The following PBX1 variants were observed in gnomAD, a reference collection of about 807,000 sequenced individuals.
PBX1 encodes PBX homeobox 1, also known as pre-B-cell leukemia transcription factor 1.
Under a neutral mutation model 53.4 loss-of-function variants are expected in PBX1, and 6 were observed. That is an observed-to-expected ratio of 0.11 (90% CI 0.06 to 0.22). The LOEUF (loss-of-function observed/expected upper bound fraction) is 0.22. Among genes scored for constraint, PBX1 ranks in the 10% least tolerant of loss-of-function variants. The pLI, the probability that PBX1 is intolerant of heterozygous loss-of-function variation, is 1.00. For synonymous variants in PBX1, 204 were observed against 212.3 expected (o/e 0.96, Z 0.34); for missense variants, 251 against 551.4 (o/e 0.46, Z 5.46).
At chr1:164,649,470 A>G (rs1020045845) in intron 2 of PBX1, among the ~76,000 whole-genome samples, 2 of 151,776 alleles carry the variant, frequency 1.3e-5, no homozygotes, top group African/African-American at 4.8e-5. Flanking sequence ...CATCCTCCCA[A>G]CCCCTTGAAA....
At chr1:164,686,188 G>T (rs1662081688) in intron 2 of PBX1, among the ~76,000 whole-genome samples, 1 of 152,212 alleles carries the variant, frequency 6.6e-6, no homozygotes. Context: ...CTCACTAAAT[G>T]ATGTTCCTTA....
intron 2 of PBX1, among the ~76,000 whole-genome samples, chr1:164,863,421 G>C (rs984626426): frequency 6.6e-6 from 1 of 152,166 alleles, no homozygotes; most frequent in Non-Finnish European, 1.5e-5. Context: ...GCATTGTTCT[G>C]AGTGCCAGGG....
chr1:164,666,785 T>C (rs973332277), intron 2 of PBX1, among the ~76,000 whole-genome samples: 3 of 152,184 alleles, frequency 2.0e-5, no homozygotes, highest in African/African-American at 7.2e-5. Context: ...GGAAAAAAAG[T>C]AGTAAAAATA....
chr1:164,572,308 C>G lies in PBX1; in HGVS notation c.265+8997C>G, dbSNP rs576835253. Among the ~76,000 whole-genome samples the G allele has an allele frequency of 3.9e-5, 6 of 152,222 alleles. No individual in the cohort carries two copies. In the South Asian group the frequency reaches 1.2e-3, roughly 32 times the overall value. ...GCTTTTCATTCTTTTCAATCTCTTT[C>G]TCCATTCAATGATGTCTCCTCTCTA... is the stretch of plus-strand genomic sequence containing the variant. On this transcript the variant is annotated intron_variant, in intron 2 of 8. Transcript: ENST00000420696.
chr1:164,757,406 T>C (rs1212378784), intron 2 of PBX1, among the ~76,000 whole-genome samples: 1 of 152,230 alleles, frequency 6.6e-6, no homozygotes, highest in Non-Finnish European at 1.5e-5. Context: ...TCGTATCTAT[T>C]CAACTCACTG....
chr1:164,603,606 C>CA lies in PBX1; in HGVS notation c.265+40298dup, dbSNP rs1273900275. ...TTTTAAGCTACAATATGTAAGCCAT[C>CA]AAAGTACTGCATTATTTTTAGATAA... On this transcript the variant is annotated intron_variant, in intron 2 of 8. Coordinates refer to ENST00000420696, the MANE Select transcript of PBX1 (RefSeq NM_002585.4). Among the ~76,000 whole-genome samples, 19 of 152,294 alleles carry CA rather than the reference C, an allele frequency of 1.2e-4. No homozygotes were observed. In the East Asian group the frequency reaches 3.7e-3, roughly 29 times the overall value.
chr1:164,784,690 A>ATCTT (rs1668091808), intron 2 of PBX1, among the ~76,000 whole-genome samples: 1 of 152,188 alleles, frequency 6.6e-6, no homozygotes, highest in Non-Finnish European at 1.5e-5. Flanking sequence ...TGAATCTAAG[A>ATCTT]GCTCCTCGCA....
At chr1:164,817,868 T>A (rs2102358409) in intron 6 of PBX1, 1 of 152,312 alleles carries the variant, frequency 6.6e-6, no homozygotes, top group Non-Finnish European at 1.5e-5. Context: ...TTAGGCTAGA[T>A]TTACCACAGT....
intron 2 of PBX1, among the ~76,000 whole-genome samples, chr1:164,636,652 C>CAG (rs971894130): frequency 6.6e-6 from 1 of 152,138 alleles, no homozygotes. Context: ...GAGAAGGAGA[C>CAG]AGAAATCTTC....
At chr1:164,565,241 G>A (rs1365633316) in intron 2 of PBX1, among the ~76,000 whole-genome samples, 2 of 152,062 alleles carry the variant, frequency 1.3e-5, no homozygotes, top group East Asian at 3.8e-4. Flanking sequence ...AGTCGTATTG[G>A]TCAAAGTAAC....
At chr1:164,814,379 C>T (rs1343210994) in intron 6 of PBX1, 1 of 152,024 alleles carries the variant, frequency 6.6e-6, no homozygotes, top group Non-Finnish European at 1.5e-5. Flanking sequence ...TTTTCATAAC[C>T]TCAGTATTGA....
intron 2 of PBX1, among the ~76,000 whole-genome samples, chr1:164,663,581 A>G (rs1359171482): frequency 1.3e-5 from 2 of 152,180 alleles, no homozygotes; most frequent in Admixed American, 6.5e-5. Flanking sequence ...AAGTAAAGCT[A>G]TATCAAAGAT....
intron 2 of PBX1, among the ~76,000 whole-genome samples, chr1:164,763,958 G>T (rs1666932945): frequency 6.6e-6 from 1 of 152,166 alleles, no homozygotes; most frequent in Non-Finnish European, 1.5e-5. Flanking sequence ...TTAATAGAAT[G>T]GTTTATAGGA....
Position 164,559,961 on chromosome 1 carries a change from TTACAGCAAATTATGACCA to T in PBX1, c.141_158del (p.Leu47_Ile53delinsPhe). ...GAGGAAGCAGGACATTGGAGACATT[TTACAGCAAATTATGACCA>T]TCACAGACCAGAGTTTGGATGAGGC... On this transcript the variant is annotated inframe_deletion, in exon 1 of 9. Coordinates refer to ENST00000420696, the MANE Select transcript of PBX1 (RefSeq NM_002585.4). The T allele has an allele frequency of 6.5e-7, 1 of 1,537,220 alleles. No homozygotes were observed. Among genetic ancestry groups the T allele is most frequent in the Non-Finnish European group, 8.8e-7 (1 of 1,139,186 alleles).
chr1:164,691,234 G>A (rs550434588), intron 2 of PBX1, among the ~76,000 whole-genome samples: 19 of 151,922 alleles, frequency 1.3e-4, no homozygotes, highest in Admixed American at 2.6e-4. Context: ...AACTGGTCTC[G>A]AACTCCCGGC....
intron 2 of PBX1, among the ~76,000 whole-genome samples, chr1:164,689,437 C>T (rs954044461): frequency 9.9e-5 from 15 of 151,928 alleles, no homozygotes; most frequent in African/African-American, 3.6e-4. Context: ...TATTGATGAG[C>T]ATTGCCCAGG....
Position 164,850,812 on chromosome 1 carries a change from T to C in PBX1, c.*4136T>C, listed in dbSNP as rs1418891239. 4.8e-6 allele frequency: 1 copy of C among 209,470 alleles called. No homozygotes were observed. Among genetic ancestry groups the C allele is most frequent in the Admixed American group, 5.9e-5 (1 of 16,942 alleles). 13.0% of individuals were successfully genotyped at this position (209,470 alleles called of 1,614,324 possible). The stretch of plus-strand genomic sequence containing the variant: ...AAAAACGTTTAGTCCAAGGGAACTT[T>C]TTATGCTATCAGGAAAGGTTTTTGC... On this transcript the variant is annotated 3_prime_UTR_variant, in exon 9 of 9. Coordinates refer to ENST00000420696, the MANE Select transcript of PBX1 (RefSeq NM_002585.4).
chr1:164,846,754 C>G lies in PBX1; in HGVS notation c.*78C>G, dbSNP rs1671589728. On this transcript the variant is annotated 3_prime_UTR_variant, in exon 9 of 9. Transcript: ENST00000420696. Reference sequence around the variant, plus strand: ...AGGAGGGAGGGTTTCTCTCCCAACGCTGAAGCGGTCAGACTGGAGGTCGAA... The same window carrying G: ...AGGAGGGAGGGTTTCTCTCCCAACGGTGAAGCGGTCAGACTGGAGGTCGAA... 6.2e-7 allele frequency: 1 copy of G among 1,610,850 alleles called. No individual in the cohort carries two copies. Among genetic ancestry groups the G allele is most frequent in the South Asian group, 1.1e-5 (1 of 90,936 alleles).
chr1:164,564,305 T>G (rs1263941551), intron 2 of PBX1, among the ~76,000 whole-genome samples: 1 of 152,026 alleles, frequency 6.6e-6, no homozygotes, highest in Non-Finnish European at 1.5e-5. Context: ...AGTCAATAAT[T>G]CATATCTAAA....
Sources: allele counts gnomAD v4.1 joint callset (sites outside exome capture counted in the v4.1 genomes callset), GRCh38; gene constraint gnomAD v4.1.1; transcripts MANE v1.5; gene names NCBI Gene and HGNC (gene_info 2026-07-23, HGNC 2026-07-21).